Variants in ABTB2 observed in about 807,000 individuals in gnomAD.
ABTB2 encodes ankyrin repeat and BTB/POZ domain-containing protein 2.
A neutral mutation model predicts 104.1 loss-of-function variants in ABTB2; 56 were observed. The observed-to-expected ratio is 0.54, with a 90% confidence interval of 0.43 to 0.67. ABTB2 has a LOEUF of 0.67. Among genes scored for constraint, ABTB2 ranks in the 30% least tolerant of loss-of-function variants. ABTB2 has a pLI of 0.00. For synonymous variants in ABTB2, 606 were observed against 608.2 expected (o/e 1.00, Z 0.05); for missense variants, 1,279 against 1,407.7 (o/e 0.91, Z 1.46).
chr11:34,160,657 GCA>G (rs1186521198), intron 11 of ABTB2, among the ~76,000 whole-genome samples: 1 of 117,906 alleles, frequency 8.5e-6, no homozygotes, highest in Non-Finnish European at 1.8e-5. Flanking sequence ...GGGCGAGCGT[GCA>G]CGCGCGCGCG....
chr11:34,236,048 A>G (rs752556074), intron 1 of ABTB2, among the ~76,000 whole-genome samples: 1 of 152,200 alleles, frequency 6.6e-6, no homozygotes, highest in Non-Finnish European at 1.5e-5. Flanking sequence ...GACATCGTGG[A>G]CATCGGGTGC....
Position 34,297,529 on chromosome 11 carries a change from C to T in ABTB2, c.883+59172G>A, listed in dbSNP as rs145743326. Among the ~76,000 whole-genome samples the T allele has an allele frequency of 6.5e-3, 984 of 152,194 alleles. 12 individuals are homozygous for T. The highest frequency in any genetic ancestry group is 0.01 in the Middle Eastern group (3 of 294). ...GGTGTTGGCTGGGCGTGGTGACTCACACCTGTAATCCCAGCACTTTGGGAG... is the reference window on the plus strand; with the variant it reads ...GGTGTTGGCTGGGCGTGGTGACTCATACCTGTAATCCCAGCACTTTGGGAG... On this transcript the variant is annotated intron_variant, in intron 1 of 16. Transcript: ENST00000435224.
At chr11:34,299,700 C>G (rs766605741) in intron 1 of ABTB2, among the ~76,000 whole-genome samples, 2 of 152,238 alleles carry the variant, frequency 1.3e-5, no homozygotes, top group African/African-American at 2.4e-5. Flanking sequence ...ACAGCAACTA[C>G]TCTCGGGGCC....
Position 34,344,718 on chromosome 11 carries a change from G to A in ABTB2, c.883+11983C>T, listed in dbSNP as rs7940409. Among the ~76,000 whole-genome samples, 592 of 152,234 alleles carry A rather than the reference G, an allele frequency of 3.9e-3. 2 individuals are homozygous for A. The highest frequency in any genetic ancestry group is 0.013 in the African/African-American group (550 of 41,524). ...TCACCGTGTTGCCCGGTCTGATCTC[G>A]AACTCCTGGACTCAAGCCATCCACC... On this transcript the variant is annotated intron_variant, in intron 1 of 16. Coordinates refer to ENST00000435224, the MANE Select transcript of ABTB2 (RefSeq NM_145804.3).
At chr11:34,183,676 G>C (rs1379056902) in intron 3 of ABTB2, among the ~76,000 whole-genome samples, 1 of 152,190 alleles carries the variant, frequency 6.6e-6, no homozygotes, top group Non-Finnish European at 1.5e-5. Flanking sequence ...GATTTGGTTG[G>C]TATGGTTTTG....
intron 1 of ABTB2, among the ~76,000 whole-genome samples, chr11:34,323,473 T>C (rs984627167): frequency 6.6e-6 from 1 of 152,224 alleles, no homozygotes; most frequent in Non-Finnish European, 1.5e-5. Context: ...GTAAGTTCAC[T>C]ATGCCTTAAG....
chr11:34,204,673 CGGGGAGG>C lies in ABTB2; in HGVS notation c.894_900del (p.Leu299HisfsTer43), dbSNP rs768918308. On this transcript the variant is annotated frameshift_variant, in exon 2 of 17. Transcript: ENST00000435224. LOFTEE classifies it high-confidence loss of function. ...CCGCCGTTGTAGGGGCTGAAGTATG[CGGGGAGG>C]GAGAGGACACCTATGGGGAAAGAAG... The C allele has an allele frequency of 6.2e-7, 1 of 1,612,928 alleles. No homozygotes were observed. The highest frequency in any genetic ancestry group is 8.5e-7 in the Non-Finnish European group (1 of 1,179,612).
rs1355743239 is a variant in ABTB2 at position 34,151,315 on chromosome 11, G to A, written c.*1072C>T. 2.0e-5 allele frequency: 3 copies of A among 152,248 alleles called. No homozygotes were observed. The highest frequency in any genetic ancestry group is 1.3e-4 in the Admixed American group (2 of 15,290). 9.4% of individuals were successfully genotyped at this position (152,248 alleles called of 1,614,324 possible). A position where few individuals can be genotyped will look rare whatever the true frequency, so the allele number is the denominator to read the frequency against. On this transcript the variant is annotated 3_prime_UTR_variant, in exon 17 of 17. Coordinates refer to ENST00000435224, the MANE Select transcript of ABTB2 (RefSeq NM_145804.3). Reference sequence around the variant, plus strand: ...AGTGTCTGGTCCATAAATATGACAGGTGTCAGGGGAGCCCAGGGCCTGCAG... The same window carrying A: ...AGTGTCTGGTCCATAAATATGACAGATGTCAGGGGAGCCCAGGGCCTGCAG...
chr11:34,253,493 T>C (rs1002882647), intron 1 of ABTB2, among the ~76,000 whole-genome samples: 14 of 151,994 alleles, frequency 9.2e-5, no homozygotes, highest in Admixed American at 2.6e-4. Context: ...CTGGCCAGCA[T>C]AGTGAAACCT....
intron 1 of ABTB2, among the ~76,000 whole-genome samples, chr11:34,330,597 T>C (rs188715149): frequency 1.3e-5 from 2 of 152,324 alleles, no homozygotes; most frequent in Non-Finnish European, 2.9e-5. Context: ...AAAATGGCCA[T>C]GGTTATAACA....
At chr11:34,177,595 C>G (rs975004219) in intron 3 of ABTB2, among the ~76,000 whole-genome samples, 1 of 152,102 alleles carries the variant, frequency 6.6e-6, no homozygotes, top group Admixed American at 6.5e-5. Context: ...CCAGTTTCCA[C>G]CTATCTGAGG....
chr11:34,315,442 G>C (rs1332212613), intron 1 of ABTB2, among the ~76,000 whole-genome samples: 1 of 152,222 alleles, frequency 6.6e-6, no homozygotes, highest in Non-Finnish European at 1.5e-5. Flanking sequence ...ATCTTTGGGA[G>C]GTTTTTGAGA....
intron 14 of ABTB2, among the ~76,000 whole-genome samples, chr11:34,157,696 CCCT>C (rs1171349690): frequency 6.6e-6 from 1 of 152,198 alleles, no homozygotes; most frequent in African/African-American, 2.4e-5. Flanking sequence ...CCTGGGCCTC[CCCT>C]CCTCCCACAT....
chr11:34,339,984 CAACTGCACAGTCATGCTTTATGAT>C (rs1360089370), intron 1 of ABTB2, among the ~76,000 whole-genome samples: 1 of 152,020 alleles, frequency 6.6e-6, no homozygotes, highest in Non-Finnish European at 1.5e-5. Context: ...ACCAGAATGA[CAACTGCACAGTCATGCTTTATGAT>C]AACTGCACAG....
chr11:34,152,701 G>C, intron 16 of ABTB2, 117 bp from the exon 17 acceptor site: 1 of 1,001,898 alleles, frequency 1.0e-6, no homozygotes, highest in Non-Finnish European at 1.5e-6. Flanking sequence ...ACTCTGGCCA[G>C]GGTAGGCGTT....
At chr11:34,165,116 A>T in intron 8 of ABTB2, 144 bp downstream of exon 8, 1 of 801,066 alleles carries the variant, frequency 1.2e-6, no homozygotes, top group Non-Finnish European at 1.9e-6. Flanking sequence ...GGAAGCCCCC[A>T]GTGGTCCAGA....
chr11:34,183,920 C>T (rs1225988850), intron 3 of ABTB2, among the ~76,000 whole-genome samples: 1 of 151,806 alleles, frequency 6.6e-6, no homozygotes, highest in Non-Finnish European at 1.5e-5. Flanking sequence ...CAAAAACAAA[C>T]AAAAAACAAA....
At chr11:34,167,224 C>T (rs764982037) in intron 7 of ABTB2, 35 bp downstream of exon 7, 24 of 1,564,738 alleles carry the variant, frequency 1.5e-5, no homozygotes, top group Non-Finnish European at 2.0e-5. Flanking sequence ...ACCTGGTAAG[C>T]TGGGGGGCAT....
chr11:34,312,846 G>A (rs141016454), intron 1 of ABTB2, among the ~76,000 whole-genome samples: 103 of 152,288 alleles, frequency 6.8e-4, no homozygotes, highest in African/African-American at 1.9e-3. Context: ...GATTACAGGC[G>A]TGTGCCACTA....
Sources: gnomAD v4.1 joint callset for allele counts (sites outside exome capture counted in the v4.1 genomes callset) on GRCh38, gnomAD v4.1.1 for gene constraint, MANE v1.5 for transcripts, NCBI Gene and HGNC (gene_info 2026-07-23, HGNC 2026-07-21) for gene names.